The following PLCB2 variants were observed in gnomAD, a reference collection of about 807,000 sequenced individuals.
The protein encoded by PLCB2 is 1-phosphatidylinositol 4,5-bisphosphate phosphodiesterase beta-2.
A neutral mutation model predicts 141.7 loss-of-function variants in PLCB2; 115 were observed. That is an observed-to-expected ratio of 0.81 (90% CI 0.70 to 0.95). PLCB2 has a LOEUF of 0.95. Among genes scored for constraint, PLCB2 ranks in the 40% least tolerant of loss-of-function variants. The probability of loss-of-function intolerance (pLI) is 0.00; values close to 1 mark genes in which losing one functional copy is unlikely to be tolerated. For missense variants in PLCB2, 1,403 were observed against 1,541.1 expected, an observed-to-expected ratio of 0.91 and a Z score of 1.50; for synonymous variants, 603 against 595.6, an observed-to-expected ratio of 1.01 and a Z score of -0.18.
rs1410253935 is a variant in PLCB2, at chr15:40,289,966, A to AGTGTGT, written c.3267+58_3267+59insACACAC. 3 of 551,866 alleles carry AGTGTGT rather than the reference A, an allele frequency of 5.4e-6. No individual in the cohort carries two copies. In the African/African-American group the frequency reaches 7.6e-5, roughly 14 times the overall value. The allele number at this position is 551,866 out of a possible 1,614,324, so 34.2% of individuals were successfully genotyped here. ...GAGAGAGAGAGAGAGAGAGAGAGAG[A>AGTGTGT]GAGTGTGTGTGTGTGTGTGTGTGTG... is the stretch of plus-strand genomic sequence containing the variant. On this transcript the variant is annotated intron_variant, in intron 30 of 31. Coordinates refer to ENST00000260402, the MANE Select transcript of PLCB2 (RefSeq NM_004573.3).
chr15:40,291,322 C>A lies in PLCB2; in HGVS notation c.2813G>T (p.Gly938Val), dbSNP rs754922658. The A allele has an allele frequency of 1.3e-6, 2 of 1,537,140 alleles. No homozygotes were observed. The highest frequency in any genetic ancestry group is 1.9e-4 in the Middle Eastern group (1 of 5,302). The stretch of plus-strand genomic sequence containing the variant: ...CTTGCAGGCCCCGACGCCCCCCACG[C>A]CCGGTGGCCCGAGCTCCGCCAGCTG... Reference protein sequence around the residue: ...AAQLAELGPPGVGGVGACKLG... With the variant: ...AAQLAELGPPVVGGVGACKLG... Residue 938 changes from glycine to valine, a missense_variant, in exon 26 of 32, where the codon GGC (glycine) becomes GTC (valine). Gly to Val is a moderately radical substitution (Grantham distance 109). Coordinates refer to ENST00000260402, the MANE Select transcript of PLCB2 (RefSeq NM_004573.3).
Position 40,290,845 on chromosome 15 carries a change from G to C in PLCB2, c.3037-8C>G, listed in dbSNP as rs770986865. On this transcript the variant is annotated splice_polypyrimidine_tract_variant and splice_region_variant and intron_variant, in intron 27 of 31. Transcript: ENST00000260402. Reference sequence around the variant, plus strand: ...CATCATTTTGGAGATTTGCTGCAGGGAGAGGAAGTAAGCTTGGCGAGAAGC... The same window carrying C: ...CATCATTTTGGAGATTTGCTGCAGGCAGAGGAAGTAAGCTTGGCGAGAAGC... 13 of 1,609,354 alleles carry C rather than the reference G, an allele frequency of 8.1e-6. No homozygotes were observed. In the South Asian group the frequency reaches 1.3e-4, roughly 16 times the overall value.
downstream of PLCB2, among the ~76,000 whole-genome samples, chr15:40,285,122 T>G (rs1245132888): frequency 1.3e-5 from 2 of 152,208 alleles, no homozygotes; most frequent in Non-Finnish European, 2.9e-5. Context: ...GCTCCCAGGC[T>G]CCGGGGATGT....
intron 21 of PLCB2, 125 bp from the exon 22 acceptor site, chr15:40,292,568 G>A (rs971377340): frequency 1.5e-5 from 9 of 609,878 alleles, no homozygotes; most frequent in East Asian, 1.4e-4. Context: ...ACTTCAGCCA[G>A]GTTACTTTAA....
rs775721703 is a variant in PLCB2 at position 40,292,060 on chromosome 15, A to C, written c.2526+4T>G. On this transcript the variant is annotated splice_donor_region_variant and intron_variant, in intron 23 of 31. Coordinates refer to ENST00000260402, the MANE Select transcript of PLCB2 (RefSeq NM_004573.3). The stretch of plus-strand genomic sequence containing the variant: ...CCCCTGGCAGCAGTGCAGGCAACAC[A>C]GACCTCAGGCAGACCTCCCATGGCC... 1.4e-5 allele frequency: 23 copies of C among 1,613,356 alleles called. No homozygotes were observed. The highest frequency in any genetic ancestry group is 1.8e-5 in the Non-Finnish European group (21 of 1,179,412).
chr15:40,287,572 A>G (rs1448676613), downstream of PLCB2, among the ~76,000 whole-genome samples: 2 of 152,138 alleles, frequency 1.3e-5, no homozygotes, highest in Non-Finnish European at 2.9e-5. Context: ...TAGATTGCCT[A>G]AAAGTTTGGA....
At chr15:40,294,222 C>G (rs1222166994) in intron 19 of PLCB2, 44 bp downstream of exon 19, 9 of 1,604,120 alleles carry the variant, frequency 5.6e-6, no homozygotes, top group Non-Finnish European at 7.7e-6. Context: ...CCCTTCTACT[C>G]AAGACCTCAG....
At chr15:40,285,929 TC>T, downstream of PLCB2, 1 of 985,444 alleles carries the variant, frequency 1.0e-6, no homozygotes, top group Non-Finnish European at 1.2e-6. Context: ...TTGAGACAGT[TC>T]CAGGGAAGAA....
Position 40,299,186 on chromosome 15 carries a change from T to C in PLCB2, c.625A>G (p.Lys209Glu), listed in dbSNP as rs2040389043. The C allele has an allele frequency of 6.2e-7, 1 of 1,614,016 alleles. No individual in the cohort carries two copies. Among genetic ancestry groups the C allele is most frequent in the South Asian group, 1.1e-5 (1 of 91,074 alleles). Reference sequence around the variant, plus strand: ...GGACAGAGGCTCATGAGGAAACTCTTGTAGACAGGTTCTGGGAAGTCCTCA... The same window carrying C: ...GGACAGAGGCTCATGAGGAAACTCTCGTAGACAGGTTCTGGGAAGTCCTCA... ...NPEDFPEPVY[K>E]SFLMSLCPRP... The change falls in exon 8 of 32, where the codon AAG becomes GAG. Residue 209 changes from lysine (K) to glutamate (E), a missense_variant. By Grantham distance (56) the Lys-to-Glu change is moderately conservative. Coordinates refer to ENST00000260402, the MANE Select transcript of PLCB2 (RefSeq NM_004573.3).
rs1011330022 is a variant in PLCB2, at chr15:40,297,536, G to C, written c.1308C>G (p.Pro436=). The C allele has an allele frequency of 1.2e-6, 2 of 1,613,812 alleles. No homozygotes were observed. The highest frequency in any genetic ancestry group is 8.5e-7 in the Non-Finnish European group (1 of 1,179,846). Residue 436 remains proline (P), a synonymous_variant, in exon 13 of 32, where the codon CCC becomes CCG. Coordinates refer to ENST00000260402, the MANE Select transcript of PLCB2 (RefSeq NM_004573.3). The surrounding 1 kb of genome is among the most constrained non-coding windows in gnomAD (Gnocchi z 4.2). ...TIFGDMLLTE[P]LEKFPLKPGV... The stretch of plus-strand genomic sequence containing the variant: ...GCCCACTCACTGGGAACTTTTCCAG[G>C]GGCTCTGTGAGCAGCATATCCCCAA...
Position 40,289,338 on chromosome 15 carries a change from C to G in PLCB2, c.3288G>C (p.Arg1096Ser), listed in dbSNP as rs563904567. 2 of 1,614,008 alleles carry G rather than the reference C, an allele frequency of 1.2e-6. No individual in the cohort carries two copies. Among genetic ancestry groups the G allele is most frequent in the Non-Finnish European group, 1.7e-6 (2 of 1,179,902 alleles). ...GCTTCTCCTCCAGCTTCTCCTGGTGCCTCTCCAAGTTCTCCGTCATCTGGG... is the reference window on the plus strand; with the variant it reads ...GCTTCTCCTCCAGCTTCTCCTGGTGGCTCTCCAAGTTCTCCGTCATCTGGG... The part of the protein sequence containing the change: ...VIKQMTENLE[R>S]HQEKLEEKQA... Residue 1096 changes from arginine (R) to serine (S), a missense_variant, in exon 31 of 32, where the codon AGG (arginine) becomes AGC (serine). Around this residue, in one of 4 missense-constraint regions of PLCB2, gnomAD observed 132 missense variants for 132.4 expected, o/e 1.00. Coordinates refer to ENST00000260402, the MANE Select transcript of PLCB2 (RefSeq NM_004573.3).
intron 24 of PLCB2, 36 bp from the exon 25 acceptor site, chr15:40,291,686 G>A: frequency 6.2e-7 from 1 of 1,605,128 alleles, no homozygotes; most frequent in Non-Finnish European, 8.5e-7. Flanking sequence ...CAGGTGCTCT[G>A]GGGGGCCCCT....
chr15:40,290,789 GCTCTGCCGCCTGTTTCT>G lies in PLCB2; in HGVS notation c.3068_3084del (p.Glu1023AlafsTer48), dbSNP rs1411739469. ...TCCGACGTCTCCTTCAGGGCCTTCAGCTCTGCCGCCTGTTTCTCTCTGGCCAGCTCCATCATTTTGGA... is the reference window on the plus strand; with the variant it reads ...TCCGACGTCTCCTTCAGGGCCTTCAGCTCTGGCCAGCTCCATCATTTTGGA... On this transcript the variant is annotated frameshift_variant, in exon 28 of 32. Transcript: ENST00000260402. LOFTEE classifies it high-confidence loss of function. 4 of 1,613,720 alleles carry G rather than the reference GCTCTGCCGCCTGTTTCT, an allele frequency of 2.5e-6. No individual in the cohort carries two copies. In the East Asian group the frequency reaches 8.9e-5, roughly 36 times the overall value.
intron 2 of PLCB2, 74 bp downstream of exon 2, chr15:40,303,927 G>T: frequency 9.5e-7 from 1 of 1,052,948 alleles, no homozygotes; most frequent in Non-Finnish European, 1.4e-6. Context: ...CCTCCACCTT[G>T]GTGCAGCCAG....
At chr15:40,289,413 C>G in intron 30 of PLCB2, 55 bp from the exon 31 acceptor site, 1 of 1,296,188 alleles carries the variant, frequency 7.7e-7, no homozygotes, top group Non-Finnish European at 1.1e-6. Context: ...CAAGCTGGGT[C>G]AGAATCCAGC....
intron 1 of PLCB2, among the ~76,000 whole-genome samples, chr15:40,307,193 C>T (rs769954329): frequency 1.3e-5 from 2 of 152,156 alleles, no homozygotes; most frequent in African/African-American, 2.4e-5. Context: ...TGGGTCTGAG[C>T]GCCCTGCCGG....
At chr15:40,299,298 G>C in intron 7 of PLCB2, 70 bp from the exon 8 acceptor site, 1 of 1,077,110 alleles carries the variant, frequency 9.3e-7, no homozygotes, top group African/African-American at 1.6e-5. Context: ...ACTCGGCCCA[G>C]CCCTGGTCAA....
In PLCB2 at chr15:40,288,786, C is replaced by T. The variant is rs756554779; in HGVS notation, c.3487G>A (p.Glu1163Lys). 34 of 1,613,792 alleles carry T rather than the reference C, an allele frequency of 2.1e-5. No homozygotes were observed. Among genetic ancestry groups the T allele is most frequent in the South Asian group, 8.8e-5 (8 of 91,084 alleles). ...EAKDKPERACECPPELCEQDP... is the reference protein window; with the variant it reads ...EAKDKPERACKCPPELCEQDP... ...TGCTCACACAGCTCTGGGGGGCACT[C>T]GCAGGCCCTCTCAGGCTTGTCCTTG... Residue 1163 changes from glutamate to lysine, a missense_variant, in exon 32 of 32, where the codon GAG (glutamate) becomes AAG (lysine). Glu to Lys is a moderately conservative substitution (Grantham distance 56). Transcript: ENST00000260402.
chr15:40,295,177 T>C (rs1279258792), intron 17 of PLCB2, 24 bp downstream of exon 17: 1 of 1,611,130 alleles, frequency 6.2e-7, no homozygotes, highest in Non-Finnish European at 8.5e-7. Flanking sequence ...CCAAGGACCC[T>C]GGCCACTGAA....
Sources: gnomAD v4.1 joint callset for allele counts (sites outside exome capture counted in the v4.1 genomes callset) on GRCh38, gnomAD v4.1.1 for gene constraint, gnomAD v4.1.1 regional missense constraint, Gnocchi (gnomAD v3.1) non-coding constraint, MANE v1.5 for transcripts, NCBI Gene and HGNC (gene_info 2026-07-23, HGNC 2026-07-21) for gene names.